The following SIM2 variants were observed in gnomAD, a reference collection of about 807,000 sequenced individuals.
SIM2 encodes the protein SIM bHLH transcription factor 2.
Under a neutral mutation model 64.8 loss-of-function variants are expected in SIM2, and 28 were observed. The observed-to-expected ratio is 0.43, with a 90% CI of 0.32 to 0.59. The LOEUF (loss-of-function observed/expected upper bound fraction) is 0.59, where lower values mean the gene tolerates loss of function less well. Ranked by LOEUF, SIM2 falls within the 20% of genes least tolerant of loss-of-function variation. SIM2 has a pLI of 0.07. For missense variants in SIM2, 847 were observed against 871.4 expected, an observed-to-expected ratio of 0.97 and a Z score of 0.35; for synonymous variants, 408 against 391.1, an observed-to-expected ratio of 1.04 and a Z score of -0.51.
chr21:36,743,260 C>T, intron 8 of SIM2, 127 bp from the exon 9 acceptor site: 1 of 817,506 alleles, frequency 1.2e-6, no homozygotes. Context: ...CAAATCCCAT[C>T]CACATCCAAT....
At chr21:36,700,764 A>G (rs1254372555) in intron 1 of SIM2, among the ~76,000 whole-genome samples, 1 of 152,200 alleles carries the variant, frequency 6.6e-6, no homozygotes, top group Admixed American at 6.5e-5. Flanking sequence ...GCCGTTGCTG[A>G]GCTGAGACCC....
At chr21:36,734,942 C>A (rs1440412367) in intron 7 of SIM2, among the ~76,000 whole-genome samples, 3 of 152,202 alleles carry the variant, frequency 2.0e-5, no homozygotes, top group Non-Finnish European at 4.4e-5. Flanking sequence ...GAAGCTGCCC[C>A]AGAGCCTGGA....
intron 4 of SIM2, among the ~76,000 whole-genome samples, chr21:36,721,939 C>T (rs1237441282): frequency 7.9e-5 from 12 of 152,238 alleles, no homozygotes; most frequent in South Asian, 2.1e-4. Flanking sequence ...GCATTGAGGC[C>T]GCACCTGACT....
chr21:36,743,336 C>T (rs750767448), intron 8 of SIM2, 51 bp from the exon 9 acceptor site: 1 of 1,547,296 alleles, frequency 6.5e-7, no homozygotes, highest in Admixed American at 1.9e-5. Context: ...AGGGAAGCTG[C>T]TCGGCCTCCA....
intron 7 of SIM2, among the ~76,000 whole-genome samples, chr21:36,732,986 G>C (rs1421070217): frequency 1.3e-5 from 2 of 152,142 alleles, no homozygotes; most frequent in Non-Finnish European, 2.9e-5. Context: ...GAGTGAAGGT[G>C]AGGGCTCATA....
At chr21:36,717,002 A>C (rs2088756628) in intron 3 of SIM2, among the ~76,000 whole-genome samples, 1 of 152,178 alleles carries the variant, frequency 6.6e-6, no homozygotes, top group Admixed American at 6.5e-5. Flanking sequence ...TTGTTCTGTA[A>C]AGACATTTCC....
In SIM2 at chr21:36,749,780, A is replaced by C. The variant is rs1394632345; in HGVS notation, c.*1688A>C. On this transcript the variant is annotated 3_prime_UTR_variant, in exon 11 of 11. Transcript: ENST00000290399. ...AGATACCACCGACATTTTTCAATAA[A>C]GTACTGCAAAATGCTTTTGTGTCTA... 1 of 152,226 alleles carries C rather than the reference A, an allele frequency of 6.6e-6. No homozygotes were observed. Among genetic ancestry groups the C allele is most frequent in the African/African-American group, 2.4e-5 (1 of 41,462 alleles). The allele number at this position is 152,226 out of a possible 1,614,324, so 9.4% of individuals were successfully genotyped here.
intron 3 of SIM2, among the ~76,000 whole-genome samples, chr21:36,716,792 T>A (rs1467579453): frequency 6.6e-6 from 1 of 152,048 alleles, no homozygotes. Flanking sequence ...TACTAAAATA[T>A]CACATGGAAG....
At chr21:36,724,227 C>T (rs911520707) in intron 5 of SIM2, among the ~76,000 whole-genome samples, 1 of 152,238 alleles carries the variant, frequency 6.6e-6, no homozygotes, top group African/African-American at 2.4e-5. Context: ...AGATACTAAG[C>T]CTCTTTGGGC....
intron 1 of SIM2, among the ~76,000 whole-genome samples, chr21:36,705,297 C>A (rs1219116909): frequency 6.6e-6 from 1 of 152,242 alleles, no homozygotes; most frequent in Non-Finnish European, 1.5e-5. Flanking sequence ...TCTCCCGCCA[C>A]GCACATATCC....
intron 9 of SIM2, 151 bp downstream of exon 9, chr21:36,743,706 A>T: frequency 1.3e-6 from 1 of 741,998 alleles, no homozygotes; most frequent in Non-Finnish European, 2.2e-6. Context: ...TTGCCTACAC[A>T]GTAGTGACAG....
intron 7 of SIM2, among the ~76,000 whole-genome samples, chr21:36,739,164 T>G (rs765504148): frequency 1.3e-5 from 2 of 152,226 alleles, no homozygotes; most frequent in Non-Finnish European, 2.9e-5. Context: ...CAGATAAAAG[T>G]TAATATGTAT....
chr21:36,744,936 C>A lies in SIM2; in HGVS notation c.1376C>A (p.Pro459Gln). 6.2e-7 allele frequency: 1 copy of A among 1,614,236 alleles called. No homozygotes were observed. Among genetic ancestry groups the A allele is most frequent in the Non-Finnish European group, 8.5e-7 (1 of 1,180,044 alleles). ...LDSHVFSSKK[P>Q]MLPAKFGQPQ... is the part of the protein sequence containing the mutation. ...TCTCACGTCTTCAGCAGCAAAAAGC[C>A]AATGTTGCCGGCCAAGTTCGGGCAG... Residue 459 changes from proline to glutamine, a missense_variant, in exon 10 of 11, where the codon CCA becomes CAA. Pro to Gln is a moderately conservative substitution (Grantham distance 76). Around this residue, in one of 3 missense-constraint regions of SIM2, gnomAD observed 447 missense variants for 414.6 expected, o/e 1.08. Transcript: ENST00000290399.
At chr21:36,723,220 C>G (rs2088847863) in intron 5 of SIM2, 90 bp downstream of exon 5, 2 of 1,029,966 alleles carry the variant, frequency 1.9e-6, no homozygotes, top group Non-Finnish European at 3.1e-6. Context: ...GGCACGGGAG[C>G]ACAAACTCGT....
chr21:36,699,655 C>T lies in SIM2; in HGVS notation c.-92C>T. 6.9e-7 allele frequency: 1 copy of T among 1,444,876 alleles called. No individual in the cohort carries two copies. The highest frequency in any genetic ancestry group is 2.3e-5 in the Admixed American group (1 of 44,302). The allele number at this position is 1,444,876 out of a possible 1,614,324, so 89.5% of individuals were successfully genotyped here. On this transcript the variant is annotated 5_prime_UTR_variant, in exon 1 of 11. Coordinates refer to ENST00000290399, the MANE Select transcript of SIM2 (RefSeq NM_005069.6). The surrounding 1 kb of genome is among the most constrained non-coding windows in gnomAD (Gnocchi z 5.6). ...CTCCGCGGACTCACCTGGCTCCCGGCTCCCCCTTCCCCATCCCCGCCGCCG... is the reference window on the plus strand; with the variant it reads ...CTCCGCGGACTCACCTGGCTCCCGGTTCCCCCTTCCCCATCCCCGCCGCCG...
chr21:36,731,326 TGTC>T (rs1452303084), intron 7 of SIM2, among the ~76,000 whole-genome samples, 175 bp downstream of exon 7: 1 of 150,966 alleles, frequency 6.6e-6, no homozygotes, highest in Non-Finnish European at 1.5e-5. Flanking sequence ...GGCTGCCTGT[TGTC>T]GGTTCTCAAG....
chr21:36,737,381 G>C lies in SIM2; in HGVS notation c.851-4336G>C, dbSNP rs183708070. On this transcript the variant is annotated intron_variant, in intron 7 of 10. Coordinates refer to ENST00000290399, the MANE Select transcript of SIM2 (RefSeq NM_005069.6). Reference sequence around the variant, plus strand: ...CAGGAAAGCCGAGCTCTGCCTCCCCGCTTTCTTTGTTTCATGTTTGGGAGA... The same window carrying C: ...CAGGAAAGCCGAGCTCTGCCTCCCCCCTTTCTTTGTTTCATGTTTGGGAGA... Among the ~76,000 whole-genome samples, 466 of 152,212 alleles carry C rather than the reference G, an allele frequency of 3.1e-3. 1 individual carries two copies. The highest frequency in any genetic ancestry group is 0.011 in the African/African-American group (446 of 41,524).
chr21:36,728,286 AAACC>A (rs778851510), intron 6 of SIM2, among the ~76,000 whole-genome samples: 34 of 152,324 alleles, frequency 2.2e-4, no homozygotes, highest in Non-Finnish European at 3.8e-4. Flanking sequence ...GCCTTCTAGG[AAACC>A]CCTGAGACTG....
At position 36,744,827 on chromosome 21, in the gene SIM2, C is replaced by T. The variant is rs1568942395; in HGVS notation, c.1267C>T (p.Pro423Ser). Reference protein sequence around the residue: ...ASAAAPPELQPHSESSDLLYT... With the variant: ...ASAAAPPELQSHSESSDLLYT... The stretch of plus-strand genomic sequence containing the variant: ...CGCTGCTGCTCCTCCAGAACTGCAG[C>T]CCCACTCAGAAAGCAGTGACCTTCT... The change falls in exon 10 of 11, where the codon CCC (proline) becomes TCC (serine). Residue 423 changes from proline (P) to serine (S), a missense_variant. Pro to Ser is a moderately conservative substitution (Grantham distance 74, BLOSUM62 -1). Around this residue, in one of 3 missense-constraint regions of SIM2, gnomAD observed 447 missense variants for 414.6 expected, o/e 1.08. Transcript: ENST00000290399. The T allele has an allele frequency of 6.2e-7, 1 of 1,614,228 alleles. No individual in the cohort carries two copies. Among genetic ancestry groups the T allele is most frequent in the Non-Finnish European group, 8.5e-7 (1 of 1,180,042 alleles).
Sources: allele counts gnomAD v4.1 joint callset (sites outside exome capture counted in the v4.1 genomes callset), GRCh38; gene constraint gnomAD v4.1.1; regional missense constraint gnomAD v4.1.1; non-coding constraint Gnocchi (gnomAD v3.1); transcripts MANE v1.5; gene names NCBI Gene and HGNC (gene_info 2026-07-23, HGNC 2026-07-21).